CELF2: variants seen among roughly 807,000 people sequenced by gnomAD.
CELF2 encodes CUGBP Elav-like family member 2.
A neutral mutation model predicts 62.6 loss-of-function variants in CELF2; 8 were observed. That is an observed-to-expected ratio of 0.13 (90% CI 0.07 to 0.23). CELF2 has a LOEUF of 0.23. CELF2 is among the 10% of genes least tolerant of loss of function. The pLI is 1.00. For missense variants in CELF2, 333 were observed against 671.0 expected (o/e 0.50, Z 5.56); for synonymous variants, 258 against 250.0 (o/e 1.03, Z -0.30).
chr10:10,864,927 A>G (rs967331493), intron 1 of CELF2, among the ~76,000 whole-genome samples: 2 of 152,174 alleles, frequency 1.3e-5, no homozygotes, highest in Non-Finnish European at 2.9e-5. Context: ...TATATTCACA[A>G]TATAAGAGTT....
chr10:10,716,530 G>T, the CELF2 span, among the ~76,000 whole-genome samples: 1 of 152,236 alleles, frequency 6.6e-6, no homozygotes, highest in African/African-American at 2.4e-5. Flanking sequence ...GATAAAGCAA[G>T]ACTCAGTCTC....
chr10:11,086,260 T>G (rs757740765), intron 1 of CELF2, among the ~76,000 whole-genome samples: 1 of 151,882 alleles, frequency 6.6e-6, no homozygotes, highest in Non-Finnish European at 1.5e-5. Flanking sequence ...GTTGAGCAGG[T>G]GATTTAAACT....
the CELF2 span, among the ~76,000 whole-genome samples, chr10:10,630,153 C>G: frequency 6.6e-6 from 1 of 152,156 alleles, no homozygotes; most frequent in Admixed American, 6.6e-5. Context: ...TCCTTTAACA[C>G]AGACCTATGA....
chr10:11,091,996 C>A (rs575116778), intron 1 of CELF2, among the ~76,000 whole-genome samples: 2 of 152,138 alleles, frequency 1.3e-5, no homozygotes, highest in Non-Finnish European at 2.9e-5. Flanking sequence ...TATCCTAGAA[C>A]GTAATAAAAC....
At chr10:10,603,676 C>T in the CELF2 span, among the ~76,000 whole-genome samples, 1 of 152,080 alleles carries the variant, frequency 6.6e-6, no homozygotes, top group Non-Finnish European at 1.5e-5. Context: ...AGTGCCTTTT[C>T]TCTAATAGTC....
the CELF2 span, among the ~76,000 whole-genome samples, chr10:10,663,103 C>T: frequency 3.3e-5 from 5 of 152,318 alleles, no homozygotes; most frequent in Middle Eastern, 3.4e-3. Context: ...AGTCCTCAGG[C>T]AGGCTTAGCT....
chr10:10,741,492 CAAAAAA>C, the CELF2 span, among the ~76,000 whole-genome samples: 5 of 57,336 alleles, frequency 8.7e-5, no homozygotes, highest in East Asian at 7.5e-4. Context: ...GACTCCGTCT[CAAAAAA>C]AAAAAAAAAA....
chr10:11,070,261 C>T (rs181438099), intron 1 of CELF2, among the ~76,000 whole-genome samples: 119 of 152,138 alleles, frequency 7.8e-4, no homozygotes, highest in Middle Eastern at 3.4e-3. Context: ...AGGAGACAGA[C>T]GGTTTGCTTG....
chr10:10,705,922 C>T, the CELF2 span, among the ~76,000 whole-genome samples: 1 of 152,308 alleles, frequency 6.6e-6, no homozygotes, highest in South Asian at 2.1e-4. Flanking sequence ...ATCAGATGGT[C>T]ACCTACTTAT....
chr10:11,204,510 G>T (rs1352638423), intron 2 of CELF2, among the ~76,000 whole-genome samples: 4 of 152,228 alleles, frequency 2.6e-5, no homozygotes, highest in Non-Finnish European at 2.9e-5. Context: ...TATACAGTAG[G>T]AACCTCCGGT....
chr10:10,653,288 G>C, the CELF2 span, among the ~76,000 whole-genome samples: 2 of 151,178 alleles, frequency 1.3e-5, no homozygotes, highest in Non-Finnish European at 3.0e-5. Context: ...ACACCCCACT[G>C]TCAACATTAG....
chr10:10,651,927 C>T, the CELF2 span, among the ~76,000 whole-genome samples: 1 of 150,988 alleles, frequency 6.6e-6, no homozygotes, highest in African/African-American at 2.4e-5. Context: ...TTACTCTGAG[C>T]TACGGGAGGA....
chr10:11,161,109 C>T (rs1263390026), intron 1 of CELF2, among the ~76,000 whole-genome samples: 1 of 152,094 alleles, frequency 6.6e-6, no homozygotes, highest in African/African-American at 2.4e-5. Context: ...GTTATTTTTC[C>T]TCTAAAATAG....
At chr10:10,975,872 G>A (rs910338473) in intron 2 of CELF2, among the ~76,000 whole-genome samples, 1 of 152,182 alleles carries the variant, frequency 6.6e-6, no homozygotes, top group Admixed American at 6.5e-5. Context: ...TGACTCATAG[G>A]CAACACACTA....
At chr10:11,107,673 C>T (rs1055008403) in intron 1 of CELF2, among the ~76,000 whole-genome samples, 1 of 151,860 alleles carries the variant, frequency 6.6e-6, no homozygotes, top group Admixed American at 6.6e-5. Flanking sequence ...ACCCTTAATC[C>T]GGTCCATGTG....
rs2064311056 is a variant in CELF2, at chr10:11,156,048, G to C, written c.75-9438G>C. Among the ~76,000 whole-genome samples, 1 of 152,186 alleles carries C rather than the reference G, an allele frequency of 6.6e-6. No individual in the cohort carries two copies. ...GAATGCCGGGCAAGCACAAAGGTCA[G>C]TGACGCCTTTGTCCTTTAGTCCAAA... On this transcript the variant is annotated intron_variant, in intron 1 of 12. Coordinates refer to ENST00000633077, the MANE Select transcript of CELF2 (RefSeq NM_001326342.2). The surrounding 1 kb of genome is among the most constrained non-coding windows in gnomAD (Gnocchi z 4.3).
At chr10:10,998,728 C>T (rs1008930790) in intron 2 of CELF2, among the ~76,000 whole-genome samples, 2 of 152,102 alleles carry the variant, frequency 1.3e-5, no homozygotes, top group Non-Finnish European at 1.5e-5. Context: ...GCATTAAATG[C>T]AAAAAGTAGA....
intron 9 of CELF2, among the ~76,000 whole-genome samples, chr10:11,289,430 C>CT (rs2092121738): frequency 6.6e-6 from 1 of 152,202 alleles, no homozygotes; most frequent in South Asian, 2.1e-4. Context: ...CTACAGCCCA[C>CT]TCCACGCTGG....
intron 1 of CELF2, among the ~76,000 whole-genome samples, chr10:10,858,028 C>T (rs2059848082): frequency 6.6e-6 from 1 of 151,646 alleles, no homozygotes; most frequent in African/African-American, 2.4e-5. Context: ...GTCAGAAATT[C>T]AGAGATAATA....
Sources: allele counts gnomAD v4.1 joint callset (sites outside exome capture counted in the v4.1 genomes callset), GRCh38; gene constraint gnomAD v4.1.1; non-coding constraint Gnocchi (gnomAD v3.1); transcripts MANE v1.5; gene names NCBI Gene and HGNC (gene_info 2026-07-23, HGNC 2026-07-21).